TULP4: variants seen among roughly 807,000 people sequenced by gnomAD.
TULP4 encodes the protein tubby-related protein 4.
TULP4 carries 16 observed loss-of-function variants against 129.0 expected under a neutral mutation model. The ratio of observed to expected loss-of-function variants is 0.12; its 90% CI spans 0.08 to 0.19. The LOEUF (loss-of-function observed/expected upper bound fraction) is 0.19, where lower values mean the gene tolerates loss of function less well. Among genes scored for constraint, TULP4 ranks in the 10% least tolerant of loss-of-function variants. TULP4 has a pLI of 1.00. For missense variants in TULP4, 1,842 were observed against 2,059.1 expected (o/e 0.89, Z 2.04); for synonymous variants, 998 against 854.0 (o/e 1.17, Z -2.94).
chr6:158,389,893 C>T (rs1278865131), intron 1 of TULP4, among the ~76,000 whole-genome samples: 2 of 152,036 alleles, frequency 1.3e-5, no homozygotes, highest in African/African-American at 4.8e-5. Context: ...GGTGGATCAC[C>T]TGAGGTCAGG....
At chr6:158,308,497 G>C (rs1163157605), upstream of TULP4, among the ~76,000 whole-genome samples, 3 of 151,900 alleles carry the variant, frequency 2.0e-5, no homozygotes, top group African/African-American at 4.8e-5. Flanking sequence ...ATCATGGCCC[G>C]TTCTCAATGA....
chr6:158,321,346 A>G (rs1194610306), intron 1 of TULP4, among the ~76,000 whole-genome samples: 2 of 151,958 alleles, frequency 1.3e-5, no homozygotes, highest in Non-Finnish European at 2.9e-5. Context: ...CCAGGCATGC[A>G]TATTTTTCTG....
chr6:158,427,598 A>C (rs1176101014), intron 2 of TULP4, among the ~76,000 whole-genome samples: 1 of 144,334 alleles, frequency 6.9e-6, no homozygotes, highest in African/African-American at 2.6e-5. Flanking sequence ...GGTTCAAGCG[A>C]TTCTCCTGCC....
intron 1 of TULP4, among the ~76,000 whole-genome samples, chr6:158,360,143 G>A (rs1220689504): frequency 6.6e-6 from 1 of 151,728 alleles, no homozygotes; most frequent in African/African-American, 2.4e-5. Flanking sequence ...AAAAAGTGAG[G>A]CTAGAGTAAC....
intron 1 of TULP4, among the ~76,000 whole-genome samples, chr6:158,350,738 G>A (rs1780496486): frequency 6.6e-6 from 1 of 151,356 alleles, no homozygotes; most frequent in Admixed American, 6.6e-5. Context: ...AGGAAGAGGG[G>A]AGAGGGGAGA....
intron 1 of TULP4, among the ~76,000 whole-genome samples, chr6:158,330,856 G>A (rs1394789481): frequency 6.6e-6 from 1 of 152,078 alleles, no homozygotes; most frequent in Non-Finnish European, 1.5e-5. Context: ...TTAGAAGAAT[G>A]CTCCTCTTTC....
chr6:158,491,420 TC>T (rs776157528), intron 9 of TULP4, among the ~76,000 whole-genome samples: 3,017 of 32,838 alleles, frequency 0.092, 72 homozygotes, highest in South Asian at 0.26. Context: ...TTTCTTTCTT[TC>T]TTTCTTTCTT....
intron 11 of TULP4, 70 bp from the exon 12 acceptor site, chr6:158,498,599 T>A: frequency 6.3e-7 from 1 of 1,591,340 alleles, no homozygotes; most frequent in East Asian, 2.2e-5. Context: ...CTTCTTCCTG[T>A]GACTCTCTTG....
intron 3 of TULP4, among the ~76,000 whole-genome samples, chr6:158,444,001 C>T (rs654806): frequency 5.3e-4 from 81 of 151,684 alleles, no homozygotes; most frequent in Middle Eastern, 3.4e-3. Context: ...GGGCGGATCA[C>T]AAGGTCAGGA....
intron 3 of TULP4, among the ~76,000 whole-genome samples, chr6:158,441,795 A>C (rs2115102191): frequency 6.6e-6 from 1 of 152,268 alleles, no homozygotes; most frequent in African/African-American, 2.4e-5. Context: ...CCTGGAGCAA[A>C]CACTGGCACC....
At chr6:158,482,706 G>A (rs142459594) in intron 8 of TULP4, among the ~76,000 whole-genome samples, 1 of 152,224 alleles carries the variant, frequency 6.6e-6, no homozygotes, top group Non-Finnish European at 1.5e-5. Context: ...TCTCACTGAT[G>A]TCAGTACCTC....
At chr6:158,293,240 G>A (rs964492407) in intron 1 of TULP4, among the ~76,000 whole-genome samples, 1 of 152,172 alleles carries the variant, frequency 6.6e-6, no homozygotes, top group South Asian at 2.1e-4. Flanking sequence ...TCTGAACTTG[G>A]CAGTGGACCT....
chr6:158,269,567 AC>A (rs1366668423), intron 1 of TULP4, among the ~76,000 whole-genome samples: 3 of 152,052 alleles, frequency 2.0e-5, no homozygotes, highest in Non-Finnish European at 4.4e-5. Flanking sequence ...GATAATTTTA[AC>A]CTTTTTTTCT....
chr6:158,433,384 C>G (rs1267695981), intron 3 of TULP4, among the ~76,000 whole-genome samples: 1 of 152,170 alleles, frequency 6.6e-6, no homozygotes, highest in Non-Finnish European at 1.5e-5. Context: ...ATGTCTCATC[C>G]TAGTCTGAGG....
At chr6:158,427,227 G>C (rs1778516140) in intron 2 of TULP4, among the ~76,000 whole-genome samples, 1 of 152,152 alleles carries the variant, frequency 6.6e-6, no homozygotes, top group Non-Finnish European at 1.5e-5. Flanking sequence ...AGACAGAGAA[G>C]TTGAACATAC....
chr6:158,458,281 A>G (rs1779339363), intron 5 of TULP4, among the ~76,000 whole-genome samples: 1 of 152,230 alleles, frequency 6.6e-6, no homozygotes, highest in Non-Finnish European at 1.5e-5. Flanking sequence ...ACTTTTACCA[A>G]AAAGGATCCA....
intron 1 of TULP4, among the ~76,000 whole-genome samples, chr6:158,349,151 C>A (rs1780412530): frequency 7.5e-6 from 1 of 133,278 alleles, no homozygotes; most frequent in African/African-American, 2.8e-5. Flanking sequence ...TGGGCAGATA[C>A]ACTCCTCACT....
chr6:158,414,623 G>A (rs1271416472), intron 2 of TULP4, among the ~76,000 whole-genome samples: 3 of 152,166 alleles, frequency 2.0e-5, no homozygotes, highest in African/African-American at 7.2e-5. Flanking sequence ...TCTGTGAAAT[G>A]ACCGCCTCTC....
chr6:158,287,613 G>T (rs988581959), intron 1 of TULP4, among the ~76,000 whole-genome samples: 2 of 152,178 alleles, frequency 1.3e-5, no homozygotes, highest in Non-Finnish European at 2.9e-5. Flanking sequence ...AGAAACATTT[G>T]CTGTAGAAGA....
Sources: gnomAD v4.1 joint callset for allele counts (sites outside exome capture counted in the v4.1 genomes callset) on GRCh38, gnomAD v4.1.1 for gene constraint, MANE v1.5 for transcripts, NCBI Gene and HGNC (gene_info 2026-07-23, HGNC 2026-07-21) for gene names.